EXOC6B: variants seen among roughly 807,000 people sequenced by gnomAD.
EXOC6B encodes exocyst complex component 6B.
EXOC6B carries 54 observed loss-of-function variants against 113.5 expected under a neutral mutation model. The observed-to-expected ratio is 0.48, with a 90% CI of 0.38 to 0.60. The LOEUF is 0.60. EXOC6B is among the 20% of genes least tolerant of loss of function. The probability of loss-of-function intolerance (pLI) is 0.00; values close to 1 mark genes in which losing one functional copy is unlikely to be tolerated. For synonymous variants in EXOC6B, 357 were observed against 339.0 expected, an observed-to-expected ratio of 1.05 and a Z score of -0.58; for missense variants, 797 against 977.5, an observed-to-expected ratio of 0.82 and a Z score of 2.46.
intron 11 of EXOC6B, among the ~76,000 whole-genome samples, chr2:72,509,747 A>T (rs1178825024): frequency 1.3e-5 from 2 of 152,150 alleles, no homozygotes; most frequent in East Asian, 3.8e-4. Context: ...AATGTATATG[A>T]ACAAGAAATT....
chr2:72,746,420 C>T (rs748783891), intron 1 of EXOC6B, among the ~76,000 whole-genome samples: 3 of 151,960 alleles, frequency 2.0e-5, no homozygotes, highest in African/African-American at 7.2e-5. Context: ...AATAAACCAC[C>T]GGTTTGTGCA....
chr2:72,619,591 C>A (rs991351639), intron 6 of EXOC6B, among the ~76,000 whole-genome samples: 1 of 152,104 alleles, frequency 6.6e-6, no homozygotes. Flanking sequence ...TGGAATAAAC[C>A]ACCATAATTT....
chr2:72,355,439 T>TA (rs1321316131), intron 19 of EXOC6B, among the ~76,000 whole-genome samples: 1 of 152,122 alleles, frequency 6.6e-6, no homozygotes, highest in East Asian at 1.9e-4. Context: ...GCATTAATTG[T>TA]AAAAAACATA....
At chr2:72,211,378 T>C (rs988615343) in intron 20 of EXOC6B, among the ~76,000 whole-genome samples, 16 of 152,230 alleles carry the variant, frequency 1.1e-4, no homozygotes, top group Non-Finnish European at 2.1e-4. Context: ...CCTCCTCTTC[T>C]GCTAGAGCTG....
chr2:72,669,966 A>C (rs559907321), intron 6 of EXOC6B, among the ~76,000 whole-genome samples: 1 of 152,372 alleles, frequency 6.6e-6, no homozygotes, highest in East Asian at 1.9e-4. Context: ...GCACAGCTTT[A>C]ATATGCACTG....
At chr2:72,791,915 A>ATT (rs1487692021) in intron 1 of EXOC6B, among the ~76,000 whole-genome samples, 1 of 152,202 alleles carries the variant, frequency 6.6e-6, no homozygotes, top group African/African-American at 2.4e-5. Context: ...ATTCACTGAA[A>ATT]CATAGATTCC....
intron 17 of EXOC6B, among the ~76,000 whole-genome samples, chr2:72,476,208 T>C (rs1436067071): frequency 3.3e-5 from 5 of 152,212 alleles, no homozygotes; most frequent in Admixed American, 2.0e-4. Context: ...ATAGTGGAAA[T>C]GGAAACCACT....
At chr2:72,502,038 C>T (rs1700351062) in intron 11 of EXOC6B, among the ~76,000 whole-genome samples, 1 of 152,014 alleles carries the variant, frequency 6.6e-6, no homozygotes, top group Admixed American at 6.6e-5. Context: ...ACTGAAATTA[C>T]AGGCATCAGC....
chr2:72,298,835 G>C (rs13388146), intron 20 of EXOC6B, among the ~76,000 whole-genome samples: 21,716 of 152,146 alleles, frequency 0.14, 1,997 homozygotes, highest in African/African-American at 0.26. Flanking sequence ...GGCTTGTAGG[G>C]TTTCTGCAGA....
At chr2:72,626,816 T>C (rs1020132146) in intron 6 of EXOC6B, among the ~76,000 whole-genome samples, 4 of 151,730 alleles carry the variant, frequency 2.6e-5, no homozygotes, top group African/African-American at 9.7e-5. Flanking sequence ...AACCCCTTTT[T>C]TGTTTTTATA....
At chr2:72,764,766 A>C (rs1682961991) in intron 1 of EXOC6B, among the ~76,000 whole-genome samples, 1 of 152,214 alleles carries the variant, frequency 6.6e-6, no homozygotes, top group African/African-American at 2.4e-5. Flanking sequence ...TTCTATAATC[A>C]TAATTGTTTT....
chr2:72,440,386 G>A (rs960957587), intron 18 of EXOC6B, among the ~76,000 whole-genome samples: 2 of 152,070 alleles, frequency 1.3e-5, no homozygotes, highest in Admixed American at 1.3e-4. Flanking sequence ...GAGGCTGGGG[G>A]GCCAATATTC....
rs1558862436 is a variant in EXOC6B at position 72,631,455 on chromosome 2, TATATATAGAGAGAGAGAGAGAGAGAGAG to T, written c.670-55815_670-55788del. On this transcript the variant is annotated intron_variant, in intron 6 of 21. Coordinates refer to ENST00000272427, the MANE Select transcript of EXOC6B (RefSeq NM_015189.3). ...ATATATATATATATATATATATATATATATATAGAGAGAGAGAGAGAGAGAGAGAGAGAGAGAGAGAGAGAGAGAGAGA... is the reference window on the plus strand; with the variant it reads ...ATATATATATATATATATATATATATAGAGAGAGAGAGAGAGAGAGAGAGA... 3.5e-3 allele frequency among the ~76,000 whole-genome samples: 65 copies of T among 18,344 alleles called. 1 individual carries two copies. The highest frequency in any genetic ancestry group is 7.9e-3 in the African/African-American group (50 of 6,364). The allele number at this position is 18,344 out of a possible 152,430, so 12.0% of individuals were successfully genotyped here. A position where few individuals can be genotyped will look rare whatever the true frequency, so the allele number is the denominator to read the frequency against.
At chr2:72,262,664 A>C (rs1416627926) in intron 20 of EXOC6B, among the ~76,000 whole-genome samples, 5 of 152,194 alleles carry the variant, frequency 3.3e-5, no homozygotes, top group South Asian at 2.1e-4. Flanking sequence ...GTCTGGGGCA[A>C]TAGAAGTTCA....
Position 72,299,815 on chromosome 2 carries a change from G to A in EXOC6B, c.2196+35132C>T, listed in dbSNP as rs185839561. 5.3e-3 allele frequency among the ~76,000 whole-genome samples: 813 copies of A among 152,286 alleles called. 8 individuals carry two copies. The highest frequency in any genetic ancestry group is 0.019 in the African/African-American group (779 of 41,560). On this transcript the variant is annotated intron_variant, in intron 20 of 21. Transcript: ENST00000272427. ...AGGCCTCTCTGCTGCAGGTCTGGTG[G>A]AGGTTGCTGGAGATCCACTCCAGAC...
intron 17 of EXOC6B, among the ~76,000 whole-genome samples, chr2:72,470,929 A>G (rs1252869418): frequency 2.0e-5 from 3 of 152,282 alleles, no homozygotes; most frequent in African/African-American, 2.4e-5. Flanking sequence ...ATAAACATAC[A>G]TGGGCGTGTA....
At chr2:72,582,707 C>T (rs767574616) in intron 6 of EXOC6B, among the ~76,000 whole-genome samples, 13 of 152,104 alleles carry the variant, frequency 8.5e-5, no homozygotes, top group Non-Finnish European at 1.5e-4. Flanking sequence ...ATTCTGGCAC[C>T]ATGAAAAATC....
intron 19 of EXOC6B, among the ~76,000 whole-genome samples, chr2:72,356,213 A>C (rs774372597): frequency 2.6e-5 from 4 of 152,200 alleles, no homozygotes; most frequent in Non-Finnish European, 4.4e-5. Context: ...CAGGTTTCCA[A>C]AATAAATTTA....
At chr2:72,442,917 G>A (rs2105335803) in intron 18 of EXOC6B, among the ~76,000 whole-genome samples, 1 of 152,204 alleles carries the variant, frequency 6.6e-6, no homozygotes, top group South Asian at 2.1e-4. Flanking sequence ...CCAAAAAAGA[G>A]CCTGAATAGC....
Sources: allele counts gnomAD v4.1 joint callset (sites outside exome capture counted in the v4.1 genomes callset), GRCh38; gene constraint gnomAD v4.1.1; transcripts MANE v1.5; gene names NCBI Gene and HGNC (gene_info 2026-07-23, HGNC 2026-07-21).